The following MDGA2 variants were observed in gnomAD, a reference collection of about 807,000 sequenced individuals.
MDGA2 encodes MAM domain containing glycosylphosphatidylinositol anchor 2, also known as MAM domain-containing glycosylphosphatidylinositol anchor protein 2.
MDGA2 carries 40 observed loss-of-function variants against 117.8 expected under a neutral mutation model. The ratio of observed to expected loss-of-function variants is 0.34; its 90% CI spans 0.26 to 0.44. MDGA2 has a LOEUF of 0.44. MDGA2 is among the 20% of genes least tolerant of loss of function. The pLI is 1.00. For synonymous variants in MDGA2, 452 were observed against 439.0 expected (o/e 1.03, Z -0.37); for missense variants, 1,123 against 1,250.6 (o/e 0.90, Z 1.54).
intron 3 of MDGA2, among the ~76,000 whole-genome samples, chr14:47,180,952 AAAAC>A (rs777714733): frequency 2.0e-5 from 3 of 152,020 alleles, no homozygotes; most frequent in Non-Finnish European, 2.9e-5. Context: ...AAAACAAACA[AAAAC>A]AAAAACACAG....
intron 3 of MDGA2, among the ~76,000 whole-genome samples, chr14:47,211,701 G>A (rs551358303): frequency 3.5e-4 from 53 of 152,174 alleles, no homozygotes; most frequent in African/African-American, 1.2e-3. Context: ...AAGGAGTTCC[G>A]AACCCAAGCT....
rs180873666 is a variant in MDGA2, at chr14:47,463,876, T to G, written c.281-162326A>C. Among the ~76,000 whole-genome samples the G allele has an allele frequency of 3.5e-4, 53 of 152,270 alleles. No homozygotes were observed. The East Asian group carries it at 9.3e-3, about 27-fold the overall frequency. On this transcript the variant is annotated intron_variant, in intron 1 of 16. Coordinates refer to ENST00000399232, the MANE Select transcript of MDGA2 (RefSeq NM_001113498.3). ...AAGGTTCTTCTGATTACTCCTTATG[T>G]AATGGCATTACTTTAGTTTGTAATG...
chr14:47,317,181 G>A (rs534171279), intron 1 of MDGA2, among the ~76,000 whole-genome samples: 66 of 152,072 alleles, frequency 4.3e-4, no homozygotes, highest in African/African-American at 1.3e-3. Flanking sequence ...ATATTTCTGC[G>A]CCTACATTAC....
chr14:47,648,362 AT>A, intron 1 of MDGA2, among the ~76,000 whole-genome samples: 2 of 152,260 alleles, frequency 1.3e-5, no homozygotes, highest in Non-Finnish European at 2.9e-5. Context: ...AGTAAATGGT[AT>A]TATTATGGGC....
intron 15 of MDGA2, among the ~76,000 whole-genome samples, chr14:46,847,345 C>A (rs925924457): frequency 6.6e-6 from 1 of 152,074 alleles, no homozygotes; most frequent in African/African-American, 2.4e-5. Context: ...TTCTCCAAAG[C>A]CATCTCTTTG....
Position 47,335,734 on chromosome 14 carries a change from T to TATATATATATATATATATATATATA in MDGA2, c.281-34185_281-34184insTATATATATATATATATATATATAT, listed in dbSNP as rs1555374518. Among the ~76,000 whole-genome samples, 37 of 48,032 alleles carry TATATATATATATATATATATATATA rather than the reference T, an allele frequency of 7.7e-4. 1 individual carries two copies. The highest frequency in any genetic ancestry group is 2.3e-3 in the African/African-American group (31 of 13,542). 31.5% of individuals were successfully genotyped at this position (48,032 alleles called of 152,430 possible). ...ACACATACACATGCACACATATATT[T>TATATATATATATATATATATATATA]TATATATATATATACATACATACAT... On this transcript the variant is annotated intron_variant, in intron 1 of 16. Coordinates refer to ENST00000399232, the MANE Select transcript of MDGA2 (RefSeq NM_001113498.3).
chr14:47,659,115 A>C (rs1168586562), intron 1 of MDGA2, among the ~76,000 whole-genome samples: 1 of 152,210 alleles, frequency 6.6e-6, no homozygotes, highest in Non-Finnish European at 1.5e-5. Flanking sequence ...CATGACATGA[A>C]ATCCTATCAC....
intron 2 of MDGA2, among the ~76,000 whole-genome samples, chr14:47,290,192 A>G (rs949601658): frequency 6.6e-6 from 1 of 152,076 alleles, no homozygotes; most frequent in Admixed American, 6.6e-5. Context: ...CCTAATCCCC[A>G]GTAGGATGGT....
intron 10 of MDGA2, among the ~76,000 whole-genome samples, chr14:46,912,272 C>T (rs1327665973): frequency 1.3e-5 from 2 of 152,140 alleles, no homozygotes; most frequent in Non-Finnish European, 2.9e-5. Flanking sequence ...CACGAATGCA[C>T]ATTCACACAC....
At chr14:47,379,008 A>G (rs2138412212) in intron 1 of MDGA2, among the ~76,000 whole-genome samples, 1 of 152,352 alleles carries the variant, frequency 6.6e-6, no homozygotes, top group African/African-American at 2.4e-5. Context: ...TCAGACTAAC[A>G]GCGGATCTCT....
At chr14:47,079,475 A>G in intron 6 of MDGA2, among the ~76,000 whole-genome samples, 1 of 152,180 alleles carries the variant, frequency 6.6e-6, no homozygotes, top group East Asian at 1.9e-4. Flanking sequence ...CTAGAATGAA[A>G]TAATATTGGG....
At chr14:47,655,132 C>T (rs1018882842) in intron 1 of MDGA2, among the ~76,000 whole-genome samples, 14 of 152,132 alleles carry the variant, frequency 9.2e-5, no homozygotes, top group Non-Finnish European at 1.9e-4. Context: ...CAGATAGATG[C>T]TGGAAGTTGG....
chr14:47,587,750 T>C (rs1896352336), intron 1 of MDGA2, among the ~76,000 whole-genome samples: 1 of 151,948 alleles, frequency 6.6e-6, no homozygotes, highest in African/African-American at 2.4e-5. Flanking sequence ...CTTCACAATT[T>C]TGTGTACAAT....
intron 2 of MDGA2, among the ~76,000 whole-genome samples, chr14:47,275,741 G>A (rs750799482): frequency 6.6e-6 from 1 of 152,000 alleles, no homozygotes; most frequent in Non-Finnish European, 1.5e-5. Flanking sequence ...GAAGTGTTTT[G>A]CTTAGTTTTT....
At chr14:46,947,211 T>A (rs2138598592) in intron 9 of MDGA2, among the ~76,000 whole-genome samples, 1 of 152,216 alleles carries the variant, frequency 6.6e-6, no homozygotes, top group South Asian at 2.1e-4. Flanking sequence ...GCAAAATTCT[T>A]TTTCAATTAC....
At chr14:47,378,553 A>T (rs1448624209) in intron 1 of MDGA2, among the ~76,000 whole-genome samples, 1 of 152,220 alleles carries the variant, frequency 6.6e-6, no homozygotes. Flanking sequence ...CCATGGCAGG[A>T]GAACTAAGTG....
chr14:47,024,008 C>G (rs902479097), intron 8 of MDGA2, among the ~76,000 whole-genome samples: 5 of 151,952 alleles, frequency 3.3e-5, no homozygotes, highest in Non-Finnish European at 7.4e-5. Flanking sequence ...TCATAAAAGA[C>G]AAAGAAGAAA....
chr14:46,891,765 C>A (rs1291625456), intron 10 of MDGA2, among the ~76,000 whole-genome samples: 1 of 151,024 alleles, frequency 6.6e-6, no homozygotes, highest in African/African-American at 2.4e-5. Flanking sequence ...CTAGTAACTA[C>A]AATTTTATCA....
At chr14:47,176,885 T>A (rs1234914225) in intron 3 of MDGA2, among the ~76,000 whole-genome samples, 1 of 151,742 alleles carries the variant, frequency 6.6e-6, no homozygotes, top group Non-Finnish European at 1.5e-5. Context: ...TGGGAGAAAA[T>A]TTTCGCAACC....
Sources: allele counts gnomAD v4.1 joint callset (sites outside exome capture counted in the v4.1 genomes callset), GRCh38; gene constraint gnomAD v4.1.1; transcripts MANE v1.5; gene names NCBI Gene and HGNC (gene_info 2026-07-23, HGNC 2026-07-21).